Variants in SP140 observed in about 807,000 individuals in gnomAD.
The protein encoded by SP140 is SP140 nuclear body protein, also known as nuclear body protein SP140.
A neutral mutation model predicts 125.0 loss-of-function variants in SP140; 81 were observed. That is an observed-to-expected ratio of 0.65 (90% confidence interval 0.54 to 0.78). The LOEUF is 0.78. Among genes scored for constraint, SP140 ranks in the 30% least tolerant of loss-of-function variants. The pLI is 0.00. For synonymous variants in SP140, 312 were observed against 354.0 expected (o/e 0.88, Z 1.33); for missense variants, 858 against 1,037.0 (o/e 0.83, Z 2.37).
intron 22 of SP140, 101 bp from the exon 23 acceptor site, chr2:230,309,823 C>A: frequency 8.6e-7 from 1 of 1,163,968 alleles, no homozygotes; most frequent in Non-Finnish European, 1.3e-6. Context: ...TTTGCCTGTC[C>A]ATGCAGGTTC....
intron 21 of SP140, among the ~76,000 whole-genome samples, 182 bp from the exon 22 acceptor site, chr2:230,297,239 T>C (rs947754476): frequency 3.9e-5 from 6 of 152,228 alleles, no homozygotes; most frequent in African/African-American, 1.4e-4. Flanking sequence ...CAGGTTTCAG[T>C]TTGCTTACTT....
At chr2:230,264,579 T>C (rs1008574256) in intron 12 of SP140, among the ~76,000 whole-genome samples, 1 of 152,210 alleles carries the variant, frequency 6.6e-6, no homozygotes, top group Non-Finnish European at 1.5e-5. Context: ...GTTGGTTTTC[T>C]GGTTCCTTCT....
chr2:230,311,673 T>A lies in SP140; in HGVS notation c.2505+78T>A, dbSNP rs554039896. On this transcript the variant is annotated intron_variant, in intron 26 of 26. Coordinates refer to ENST00000392045, the MANE Select transcript of SP140 (RefSeq NM_007237.5). ...TTCTGGTGCCAAGAAAAATTTAGTT[T>A]CCCTCATCCTGTAATAAGCTTGCAC... The A allele has an allele frequency of 1.7e-5, 27 of 1,580,312 alleles. No individual in the cohort carries two copies. In the South Asian group the frequency reaches 3.1e-4, roughly 18 times the overall value.
intron 3 of SP140, among the ~76,000 whole-genome samples, chr2:230,217,730 T>C (rs1211913731): frequency 6.6e-6 from 1 of 152,172 alleles, no homozygotes; most frequent in Non-Finnish European, 1.5e-5. Flanking sequence ...AGGCTTACAG[T>C]GCTAACTATG....
chr2:230,299,792 C>T (rs768449077), intron 22 of SP140, among the ~76,000 whole-genome samples: 6 of 152,176 alleles, frequency 3.9e-5, no homozygotes, highest in Admixed American at 1.3e-4. Flanking sequence ...GGGAGTGAGA[C>T]TGGCCTTGCT....
chr2:230,189,574 T>C, the SP140 span, among the ~76,000 whole-genome samples: 12 of 152,136 alleles, frequency 7.9e-5, no homozygotes, highest in Non-Finnish European at 1.8e-4. Context: ...AATTTTTTTC[T>C]TCTAAAAAAC....
chr2:230,211,485 A>G lies in SP140; in HGVS notation c.-322-2169A>G. 1 of 1,605,780 alleles carries G rather than the reference A, an allele frequency of 6.2e-7. No individual in the cohort carries two copies. The highest frequency in any genetic ancestry group is 8.5e-7 in the Non-Finnish European group (1 of 1,172,318). ...CCAAGATTACCTGGCATAGAGCCCA[A>G]GGGAGAGTGGGGCATCTCTTGAGGG... On this transcript the variant is annotated intron_variant, in intron 1 of 4. Transcript: ENST00000456542. This position sits in a 1 kb window ranked among gnomAD's most constrained non-coding sequence, Gnocchi z 4.2.
intron 1 of SP140, among the ~76,000 whole-genome samples, chr2:230,227,394 G>T (rs2046605175): frequency 6.6e-6 from 1 of 152,190 alleles, no homozygotes. Context: ...TGGTCACCAA[G>T]CAGGAAGAAG....
At chr2:230,243,299 G>T (rs2048967223) in intron 4 of SP140, among the ~76,000 whole-genome samples, 1 of 152,196 alleles carries the variant, frequency 6.6e-6, no homozygotes, top group Non-Finnish European at 1.5e-5. Context: ...TTTCTTTAGA[G>T]AAAGCTAGAA....
chr2:230,207,913 C>T (rs1574719778), intron 1 of SP140: 1 of 737,174 alleles, frequency 1.4e-6, no homozygotes, highest in East Asian at 2.6e-5. Context: ...GAATAAAATT[C>T]AACCCTCCAC....
At chr2:230,236,906 T>G (rs879333762) in intron 1 of SP140, among the ~76,000 whole-genome samples, 177 bp from the exon 2 acceptor site, 2 of 152,210 alleles carry the variant, frequency 1.3e-5, no homozygotes, top group Non-Finnish European at 2.9e-5. Flanking sequence ...TTTCATCTTT[T>G]CCACCTTGAT....
intron 18 of SP140, among the ~76,000 whole-genome samples, chr2:230,288,692 T>G (rs2149468111): frequency 6.6e-6 from 1 of 152,228 alleles, no homozygotes; most frequent in Non-Finnish European, 1.5e-5. Context: ...ATTGTTCGAC[T>G]TCCACTTATG....
the SP140 span, among the ~76,000 whole-genome samples, chr2:230,197,235 C>G: frequency 6.7e-6 from 1 of 150,124 alleles, no homozygotes; most frequent in East Asian, 2.0e-4. Context: ...GATTGCCATT[C>G]TAACTGGTGT....
In SP140 at chr2:230,277,350, A is replaced by G. The variant is rs141083607; in HGVS notation, c.1498+6711A>G. The stretch of plus-strand genomic sequence containing the variant: ...ACTGAAGGCTCAAGTGATCATGAGC[A>G]TTACATTTAGCAATAAAGTATGTTT... On this transcript the variant is annotated intron_variant, in intron 15 of 26. Coordinates refer to ENST00000392045, the MANE Select transcript of SP140 (RefSeq NM_007237.5). Among the ~76,000 whole-genome samples, 845 of 152,280 alleles carry G rather than the reference A, an allele frequency of 5.5e-3. 11 individuals carry two copies. The highest frequency in any genetic ancestry group is 0.019 in the African/African-American group (810 of 41,568).
chr2:230,220,751 C>A (rs1198296029), upstream of SP140, among the ~76,000 whole-genome samples: 1 of 152,142 alleles, frequency 6.6e-6, no homozygotes, highest in Admixed American at 6.5e-5. Flanking sequence ...TGCCTATAAT[C>A]CCAGGACTTT....
intron 1 of SP140, among the ~76,000 whole-genome samples, chr2:230,229,557 T>C (rs1018587009): frequency 7.4e-6 from 1 of 134,428 alleles, no homozygotes; most frequent in Non-Finnish European, 1.5e-5. Flanking sequence ...ACACTCCGCC[T>C]CCTGGGTTCA....
At chr2:230,199,709 C>T (rs544519477), upstream of SP140, among the ~76,000 whole-genome samples, 33 of 152,240 alleles carry the variant, frequency 2.2e-4, no homozygotes, top group Admixed American at 2.0e-3. Context: ...CTTCTTCACA[C>T]TTATGCTCTG....
intron 12 of SP140, among the ~76,000 whole-genome samples, chr2:230,256,453 C>T (rs1183435162): frequency 6.9e-6 from 1 of 143,984 alleles, no homozygotes; most frequent in Non-Finnish European, 1.5e-5. Flanking sequence ...TGTTCTCACT[C>T]ATAGGTGGGA....
upstream of SP140, among the ~76,000 whole-genome samples, chr2:230,198,838 T>C (rs1187993659): frequency 6.6e-6 from 1 of 152,140 alleles, no homozygotes; most frequent in Non-Finnish European, 1.5e-5. Flanking sequence ...CCTGAAGTGA[T>C]CCACCCACCT....
Sources: gnomAD v4.1 joint callset for allele counts (sites outside exome capture counted in the v4.1 genomes callset) on GRCh38, gnomAD v4.1.1 for gene constraint, Gnocchi (gnomAD v3.1) non-coding constraint, MANE v1.5 for transcripts, NCBI Gene and HGNC (gene_info 2026-07-23, HGNC 2026-07-21) for gene names.